Variants in ZDHHC5 observed in about 807,000 individuals in gnomAD.
ZDHHC5 encodes zDHHC palmitoyltransferase 5.
A neutral mutation model predicts 70.0 loss-of-function variants in ZDHHC5; 22 were observed. The ratio of observed to expected loss-of-function variants is 0.31; its 90% CI spans 0.22 to 0.45. ZDHHC5 has a LOEUF of 0.45. Among genes scored for constraint, ZDHHC5 ranks in the 20% least tolerant of loss-of-function variants. The pLI is 1.00. For synonymous variants in ZDHHC5, 313 were observed against 347.8 expected, an observed-to-expected ratio of 0.90 and a Z score of 1.11; for missense variants, 746 against 926.9, an observed-to-expected ratio of 0.80 and a Z score of 2.53.
At chr11:57,696,312 C>A (rs1946351090) in intron 9 of ZDHHC5, among the ~76,000 whole-genome samples, 1 of 152,160 alleles carries the variant, frequency 6.6e-6, no homozygotes, top group Non-Finnish European at 1.5e-5. Flanking sequence ...ATTTACCCAC[C>A]CTGAATTCTG....
chr11:57,695,888 A>G, intron 8 of ZDHHC5, 32 bp from the exon 9 acceptor site: 2 of 1,605,372 alleles, frequency 1.2e-6, no homozygotes, highest in Non-Finnish European at 1.7e-6. Flanking sequence ...CTCAATTTCT[A>G]AATCTGATTT....
intron 2 of ZDHHC5, among the ~76,000 whole-genome samples, chr11:57,673,972 T>G (rs1946039051): frequency 6.6e-6 from 1 of 152,210 alleles, no homozygotes; most frequent in Non-Finnish European, 1.5e-5. Context: ...TCAGAATTGA[T>G]TTATAAGATA....
At chr11:57,696,087 G>A in intron 9 of ZDHHC5, 44 bp downstream of exon 9, 1 of 1,581,672 alleles carries the variant, frequency 6.3e-7, no homozygotes. Flanking sequence ...CTAGGGGCAG[G>A]ATTGAGAAGG....
At chr11:57,698,514 T>C in intron 10 of ZDHHC5, 45 bp from the exon 11 acceptor site, 1 of 1,538,654 alleles carries the variant, frequency 6.5e-7, no homozygotes, top group Non-Finnish European at 8.7e-7. Context: ...GTCTAGCTTC[T>C]GTCACAAAAG....
At chr11:57,696,440 A>G (rs1175554528) in intron 9 of ZDHHC5, among the ~76,000 whole-genome samples, 3 of 152,170 alleles carry the variant, frequency 2.0e-5, no homozygotes, top group Non-Finnish European at 2.9e-5. Context: ...CATAGACTAG[A>G]CGCAGTGGCT....
Position 57,699,110 on chromosome 11 carries a change from G to A in ZDHHC5, c.1674G>A (p.Pro558=), listed in dbSNP as rs200500149. ...TGCTGCGCCAGTCACCCCCACTCCC[G>A]GGCCGTGAGGAAGAACCAGGCTTGG... The part of the protein sequence containing the change: ...EKLLRQSPPL[P]GREEEPGLGD... Residue 558 remains proline, a synonymous_variant, in exon 11 of 12, where the codon CCG becomes CCA. Coordinates refer to ENST00000287169, the MANE Select transcript of ZDHHC5 (RefSeq NM_015457.3). 1.8e-4 allele frequency: 284 copies of A among 1,613,924 alleles called. 1 individual carries two copies. The East Asian group carries it at 2.7e-3, about 15-fold the overall frequency.
At chr11:57,670,584 T>A (rs913615557) in intron 1 of ZDHHC5, among the ~76,000 whole-genome samples, 3 of 152,158 alleles carry the variant, frequency 2.0e-5, no homozygotes, top group Non-Finnish European at 1.5e-5. Flanking sequence ...AAACTGAGAG[T>A]TAAATAATCA....
Position 57,672,222 on chromosome 11 carries a change from A to G in ZDHHC5, c.-869A>G, listed in dbSNP as rs1946015350. On this transcript the variant is annotated 5_prime_UTR_variant, in exon 2 of 12. Transcript: ENST00000287169. ...GAAGAACATGGCTTCAAGGATTTTAAGTTTCCCTTTAGTTTTACATGAACT... is the reference window on the plus strand; with the variant it reads ...GAAGAACATGGCTTCAAGGATTTTAGGTTTCCCTTTAGTTTTACATGAACT... The G allele has an allele frequency of 2.5e-6, 1 of 398,600 alleles. No individual in the cohort carries two copies. The highest frequency in any genetic ancestry group is 3.6e-5 in the East Asian group (1 of 28,072). 24.7% of individuals were successfully genotyped at this position (398,600 alleles called of 1,614,324 possible).
chr11:57,668,714 C>G (rs1319890406), intron 1 of ZDHHC5: 1 of 152,626 alleles, frequency 6.6e-6, no homozygotes, highest in South Asian at 2.1e-4. Flanking sequence ...AAGCTTCATC[C>G]TGTTACCTGT....
At position 57,668,201 on chromosome 11, in the gene ZDHHC5, A is replaced by T. The variant is rs1945949087; in HGVS notation, c.-1071+14A>T. The T allele has an allele frequency of 2.8e-6, 1 of 362,164 alleles. No homozygotes were observed. 22.4% of individuals were successfully genotyped at this position (362,164 alleles called of 1,614,324 possible). A position where few individuals can be genotyped will look rare whatever the true frequency, so the allele number is the denominator to read the frequency against. On this transcript the variant is annotated intron_variant, in intron 1 of 11. Coordinates refer to ENST00000287169, the MANE Select transcript of ZDHHC5 (RefSeq NM_015457.3). Reference sequence around the variant, plus strand: ...CCGGGCTCGCGGGTGAGTGCGGAGGACACCGGTCCCTGCGGAACCGGAAGT... The same window carrying T: ...CCGGGCTCGCGGGTGAGTGCGGAGGTCACCGGTCCCTGCGGAACCGGAAGT...
chr11:57,679,616 A>T (rs1946121904), intron 2 of ZDHHC5, among the ~76,000 whole-genome samples: 1 of 152,142 alleles, frequency 6.6e-6, no homozygotes, highest in African/African-American at 2.4e-5. Context: ...TTAGAGCTTT[A>T]TGATTATTGC....
intron 9 of ZDHHC5, 65 bp from the exon 10 acceptor site, chr11:57,696,696 G>C: frequency 1.4e-6 from 2 of 1,424,846 alleles, no homozygotes; most frequent in South Asian, 2.4e-5. Context: ...AGTAGAGTGA[G>C]ACCCTGTCTC....
At position 57,698,933 on chromosome 11, in the gene ZDHHC5, T is replaced by C; in HGVS notation, c.1497T>C (p.Ser499=). ...PEPDPPLGYT[S]PFLSARLAQQ... ...CAGACCCACCTTTAGGCTATACCTC[T>C]CCCTTCCTGTCAGCCAGGCTGGCCC... The change falls in exon 11 of 12, where the codon TCT becomes TCC. Residue 499 remains serine, a synonymous_variant. Coordinates refer to ENST00000287169, the MANE Select transcript of ZDHHC5 (RefSeq NM_015457.3). 1 of 1,613,834 alleles carries C rather than the reference T, an allele frequency of 6.2e-7. No homozygotes were observed. The highest frequency in any genetic ancestry group is 1.1e-5 in the South Asian group (1 of 91,068).
At chr11:57,678,290 G>A (rs1014135629) in intron 2 of ZDHHC5, among the ~76,000 whole-genome samples, 18 of 152,184 alleles carry the variant, frequency 1.2e-4, no homozygotes, top group Non-Finnish European at 2.4e-4. Context: ...TGAATGCTCA[G>A]TATCAAGCCA....
At position 57,672,963 on chromosome 11, in the gene ZDHHC5, GTT is replaced by G. The variant is rs1946025164; in HGVS notation, c.-125_-124del. The G allele has an allele frequency of 1.3e-6, 1 of 797,060 alleles. No homozygotes were observed. The highest frequency in any genetic ancestry group is 2.0e-6 in the Non-Finnish European group (1 of 499,036). 49.4% of individuals were successfully genotyped at this position (797,060 alleles called of 1,614,324 possible). ...ATTTGGGAGGGGGAAGGGTGATAAA[GTT>G]TTCTGTTTCCCTGGTTTTCTTTTGT... On this transcript the variant is annotated 5_prime_UTR_variant, in exon 2 of 12. Coordinates refer to ENST00000287169, the MANE Select transcript of ZDHHC5 (RefSeq NM_015457.3).
intron 1 of ZDHHC5, among the ~76,000 whole-genome samples, chr11:57,671,391 T>TG (rs1946004583): frequency 6.6e-6 from 1 of 152,204 alleles, no homozygotes; most frequent in Non-Finnish European, 1.5e-5. Flanking sequence ...ACTGTTGAAT[T>TG]GGGAAAAAAG....
Position 57,699,948 on chromosome 11 carries a change from C to T in ZDHHC5, c.2065C>T (p.Gln689Ter). 1.2e-6 allele frequency: 2 copies of T among 1,614,226 alleles called. No homozygotes were observed. The highest frequency in any genetic ancestry group is 1.7e-6 in the Non-Finnish European group (2 of 1,180,038). Residue 689 changes from glutamine (Q) to a stop codon, truncating the protein, a stop_gained, in exon 12 of 12, where the codon CAG (glutamine) becomes TAG (stop). Transcript: ENST00000287169. LOFTEE classifies it high-confidence loss of function. ...AGGCTCAGCCTCCCCTGGCCCAGGC[C>T]AGCCACCTCTCAGTAGCCCCACGAG... is the stretch of plus-strand genomic sequence containing the variant. ...SLGSASPGPG[Q>*]PPLSSPTRGG...
chr11:57,697,722 C>T (rs889962661), intron 10 of ZDHHC5, among the ~76,000 whole-genome samples: 1 of 149,390 alleles, frequency 6.7e-6, no homozygotes, highest in Non-Finnish European at 1.5e-5. Context: ...CAAGGAGAAT[C>T]GCTTGAACCT....
chr11:57,670,177 C>T (rs1285961452), intron 1 of ZDHHC5, among the ~76,000 whole-genome samples: 3 of 152,064 alleles, frequency 2.0e-5, no homozygotes, highest in African/African-American at 4.8e-5. Context: ...GAAAAGTTTG[C>T]TTTAATAGTA....
Sources: allele counts gnomAD v4.1 joint callset (sites outside exome capture counted in the v4.1 genomes callset), GRCh38; gene constraint gnomAD v4.1.1; transcripts MANE v1.5; gene names NCBI Gene and HGNC (gene_info 2026-07-23, HGNC 2026-07-21).